The following NLGN4X variants were observed in gnomAD, a reference collection of about 807,000 sequenced individuals.
The protein encoded by NLGN4X is neuroligin-4, X-linked.
NLGN4X carries 3 observed loss-of-function variants against 40.3 expected under a neutral mutation model. The observed-to-expected ratio is 0.07, with a 90% CI of 0.03 to 0.19. The LOEUF (loss-of-function observed/expected upper bound fraction) is 0.19. Ranked by LOEUF, NLGN4X falls within the 10% of genes least tolerant of loss-of-function variation. The pLI, the probability that NLGN4X is intolerant of heterozygous loss-of-function variation, is 1.00. For synonymous variants in NLGN4X, 270 were observed against 306.8 expected (o/e 0.88, Z 1.25); for missense variants, 382 against 708.3 (o/e 0.54, Z 5.23).
chrX:6,186,901 T>G (rs1177273062), intron 1 of NLGN4X: 1 of 111,085 alleles, frequency 9.0e-6, no homozygotes, highest in African/African-American at 3.3e-5. Context: ...TATATCACCT[T>G]CATCAGTATT....
chrX:6,127,665 T>C (rs966924433), intron 2 of NLGN4X, among the ~76,000 whole-genome samples: 1 of 111,933 alleles, frequency 8.9e-6, no homozygotes, highest in Non-Finnish European at 1.9e-5. Flanking sequence ...GTTCCCCTAT[T>C]GGGGAAAAAA....
intron 3 of NLGN4X, among the ~76,000 whole-genome samples, chrX:5,955,464 T>C: frequency 9.0e-6 from 1 of 111,421 alleles, no homozygotes; most frequent in East Asian, 2.8e-4. Flanking sequence ...AAAAGAATTA[T>C]AATTTCCACT....
chrX:6,092,007 TCCTCCCTCCCTC>T (rs780853909), intron 2 of NLGN4X, among the ~76,000 whole-genome samples: 110 of 106,036 alleles, frequency 1.0e-3, no homozygotes, highest in African/African-American at 3.5e-3. Context: ...CTTCCCCCCT[TCCTCCCTCCCTC>T]CCTCCCTCAT....
chrX:6,010,509 T>C (rs1305803575), intron 3 of NLGN4X, among the ~76,000 whole-genome samples: 1 of 95,225 alleles, frequency 1.1e-5, no homozygotes, highest in Non-Finnish European at 2.1e-5. Context: ...AAAGTTCTTT[T>C]TATTTTATTA....
chrX:5,956,136 T>TA (rs1275437061), intron 3 of NLGN4X, among the ~76,000 whole-genome samples: 3 of 108,215 alleles, frequency 2.8e-5, no homozygotes, highest in African/African-American at 1.0e-4. Context: ...ATAGATAATA[T>TA]ATATTTAATC....
At chrX:6,033,580 A>C (rs1390080020) in intron 2 of NLGN4X, among the ~76,000 whole-genome samples, 1 of 112,334 alleles carries the variant, frequency 8.9e-6, no homozygotes, top group African/African-American at 3.2e-5. Context: ...CTGTGTTTAA[A>C]ATAGTTACTA....
chrX:5,902,996 G>A (rs2031963515), intron 5 of NLGN4X, 81 bp downstream of exon 5: 10 of 1,090,626 alleles, frequency 9.2e-6, no homozygotes, highest in Admixed American at 4.4e-5. Flanking sequence ...GCTCCTGCAC[G>A]TGGCAGTAGA....
rs930625574 is a variant in NLGN4X at position 6,082,948 on chromosome X, G to GTTTT, written c.473-53520_473-53517dup. The stretch of plus-strand genomic sequence containing the variant: ...AAAAAAAGAGATTTTGCCATGATGC[G>GTTTT]TTTTTTTCTTTTTTTTTTTTTTTTT... On this transcript the variant is annotated intron_variant, in intron 2 of 5. Transcript: ENST00000381095. 7.0e-4 allele frequency among the ~76,000 whole-genome samples: 49 copies of GTTTT among 70,351 alleles called. 4 individuals are homozygous for GTTTT. Among genetic ancestry groups the GTTTT allele is most frequent in the African/African-American group, 7.7e-4 (16 of 20,660 alleles). The allele number at this position is 70,351 out of a possible 115,157, so 61.1% of individuals were successfully genotyped here. A position where few individuals can be genotyped will look rare whatever the true frequency, so the allele number is the denominator to read the frequency against.
chrX:5,979,183 C>T (rs72627598), intron 3 of NLGN4X, among the ~76,000 whole-genome samples: 18,973 of 110,323 alleles, frequency 0.17, 1,225 homozygotes, highest in East Asian at 0.27. Flanking sequence ...AACAGAATTA[C>T]GGTCTCTTCA....
chrX:6,177,888 G>A (rs760514615), intron 1 of NLGN4X, among the ~76,000 whole-genome samples: 2 of 110,135 alleles, frequency 1.8e-5, no homozygotes, highest in South Asian at 8.2e-4. Flanking sequence ...TGAGGTTGGA[G>A]CCTCATGAAT....
In NLGN4X at chrX:5,989,626, A is replaced by G. The variant is rs764532219; in HGVS notation, c.625+39654T>C. 9.8e-5 allele frequency among the ~76,000 whole-genome samples: 11 copies of G among 112,417 alleles called. No individual in the cohort carries two copies. The East Asian group carries it at 2.8e-3, about 28-fold the overall frequency. ...CCTAAAGTCCATTGTGAAGTCCTTTAATATATGAGATATATAAGATATGGT... is the reference window on the plus strand; with the variant it reads ...CCTAAAGTCCATTGTGAAGTCCTTTGATATATGAGATATATAAGATATGGT... On this transcript the variant is annotated intron_variant, in intron 3 of 5. Transcript: ENST00000381095.
chrX:5,940,810 A>G (rs1412131709), intron 3 of NLGN4X, among the ~76,000 whole-genome samples: 1 of 110,808 alleles, frequency 9.0e-6, no homozygotes, highest in Non-Finnish European at 1.9e-5. Context: ...AAAATCTCAC[A>G]GTCAGTAAAA....
chrX:5,920,652 G>A (rs906089487), intron 3 of NLGN4X, among the ~76,000 whole-genome samples: 5 of 111,854 alleles, frequency 4.5e-5, no homozygotes, highest in South Asian at 3.8e-4. Context: ...GTTTGGATAC[G>A]TGTTTGTGAA....
chrX:5,940,817 A>G (rs1302816216), intron 3 of NLGN4X, among the ~76,000 whole-genome samples: 1 of 110,982 alleles, frequency 9.0e-6, no homozygotes, highest in East Asian at 2.9e-4. Flanking sequence ...CACAGTCAGT[A>G]AAAGAATAAA....
At chrX:6,090,049 A>G (rs766365179) in intron 2 of NLGN4X, among the ~76,000 whole-genome samples, 136 of 111,412 alleles carry the variant, frequency 1.2e-3, no homozygotes, top group Non-Finnish European at 2.4e-3. Flanking sequence ...TCCCAACAAG[A>G]GTCAATCACG....
chrX:6,135,201 A>G lies in NLGN4X; in HGVS notation c.472+15794T>C, dbSNP rs190699984. ...CTTCCAGACCCAGGAGTGTCCCAGG[A>G]GGGTGACTCCCAACATAGAACTGCC... On this transcript the variant is annotated intron_variant, in intron 2 of 5. Transcript: ENST00000381095. Among the ~76,000 whole-genome samples the G allele has an allele frequency of 4.2e-3, 464 of 111,789 alleles. 1 individual carries two copies. The highest frequency in any genetic ancestry group is 0.032 in the Middle Eastern group (7 of 217).
chrX:6,122,765 C>T (rs947533560), intron 2 of NLGN4X, among the ~76,000 whole-genome samples: 3 of 107,075 alleles, frequency 2.8e-5, no homozygotes, highest in Admixed American at 1.0e-4. Context: ...ACAATGATAG[C>T]GATATAAAGT....
chrX:6,217,494 T>C (rs1370811881), intron 1 of NLGN4X, among the ~76,000 whole-genome samples: 1 of 112,051 alleles, frequency 8.9e-6, no homozygotes, highest in Non-Finnish European at 1.9e-5. Flanking sequence ...CATGACAGAC[T>C]GAATCATAGT....
intron 1 of NLGN4X, among the ~76,000 whole-genome samples, chrX:6,158,036 G>A (rs922624947): frequency 3.6e-5 from 4 of 111,984 alleles, no homozygotes; most frequent in Non-Finnish European, 7.5e-5. Context: ...AATAATAAAA[G>A]TGCGTTAATG....
Sources: gnomAD v4.1 joint callset for allele counts (sites outside exome capture counted in the v4.1 genomes callset) on GRCh38, gnomAD v4.1.1 for gene constraint, MANE v1.5 for transcripts, NCBI Gene and HGNC (gene_info 2026-07-23, HGNC 2026-07-21) for gene names.